The following LIG4 variants were observed in gnomAD, a reference collection of about 807,000 sequenced individuals.
LIG4 encodes DNA ligase 4.
In LIG4, 13 loss-of-function variants were observed where a neutral mutation model predicts 19.0. That is an observed-to-expected ratio of 0.68 (90% CI 0.44 to 1.09). LIG4 has a LOEUF of 1.09. Among genes scored for constraint, LIG4 ranks in the 50% least tolerant of loss-of-function variants. The pLI is 0.00. For missense variants in LIG4, 1,026 were observed against 1,089.7 expected, an observed-to-expected ratio of 0.94 and a Z score of 0.82; for synonymous variants, 361 against 358.2, an observed-to-expected ratio of 1.01 and a Z score of -0.09.
rs1365371689 is a variant in LIG4 at position 108,208,265 on chromosome 13, T to C, written c.*268A>G. ...ATTCTAGATTTCTATATGGATATTA[T>C]AAAAACACCTCTTCTTTAGACTGTT... On this transcript the variant is annotated 3_prime_UTR_variant, in exon 3 of 3. Transcript: ENST00000442234. 6.7e-6 allele frequency: 2 copies of C among 298,266 alleles called. No homozygotes were observed. Among genetic ancestry groups the C allele is most frequent in the East Asian group, 7.7e-5 (1 of 12,976 alleles). The allele number at this position is 298,266 out of a possible 1,614,324, so 18.5% of individuals were successfully genotyped here.
At chr13:108,216,196 A>G (rs1270307280), upstream of LIG4, among the ~76,000 whole-genome samples, 1 of 152,214 alleles carries the variant, frequency 6.6e-6, no homozygotes, top group Non-Finnish European at 1.5e-5. Flanking sequence ...GGTGCTAGAT[A>G]TTCAGGGTGG....
In LIG4 at chr13:108,209,371, T is replaced by C; in HGVS notation, c.1898A>G (p.Lys633Arg). 6.2e-7 allele frequency: 1 copy of C among 1,614,190 alleles called. No homozygotes were observed. Among genetic ancestry groups the C allele is most frequent in the South Asian group, 1.1e-5 (1 of 91,084 alleles). ...AATAATTCCAATAACTTTCTTCATCTTTGGGGCAGCTTTCCGCTTTTTTTC... is the reference window on the plus strand; with the variant it reads ...AATAATTCCAATAACTTTCTTCATCCTTGGGGCAGCTTTCCGCTTTTTTTC... ...PQEKKRKAAP[K>R]MKKVIGIIEH... Residue 633 changes from lysine (K) to arginine (R), a missense_variant, in exon 3 of 3, where the codon AAG becomes AGG. Coordinates refer to ENST00000442234, the MANE Select transcript of LIG4 (RefSeq NM_206937.2).
chr13:108,211,074 A>G lies in LIG4; in HGVS notation c.195T>C (p.Tyr65=). 2 of 1,605,928 alleles carry G rather than the reference A, an allele frequency of 1.2e-6. No individual in the cohort carries two copies. The highest frequency in any genetic ancestry group is 3.4e-5 in the Admixed American group (2 of 59,044). The change falls in exon 3 of 3, where the codon TAT becomes TAC. Residue 65 remains tyrosine (Y), a synonymous_variant. Coordinates refer to ENST00000442234, the MANE Select transcript of LIG4 (RefSeq NM_206937.2). ...GAGGAAGAATTAGTCTCATTGCTGG[A>G]TAAAAAGAGTCTGTGACATCTTTGT... is the stretch of plus-strand genomic sequence containing the variant. ...KNHKDVTDSF[Y]PAMRLILPQL... is the part of the protein sequence containing the mutation.
chr13:108,217,161 T>A (rs866945168), upstream of LIG4, among the ~76,000 whole-genome samples: 18 of 152,026 alleles, frequency 1.2e-4, no homozygotes, highest in Middle Eastern at 0.01. Flanking sequence ...AGCGGATCAC[T>A]TGAGGTCAGG....
At position 108,208,528 on chromosome 13, in the gene LIG4, T is replaced by C; in HGVS notation, c.*5A>G. 1 of 1,590,806 alleles carries C rather than the reference T, an allele frequency of 6.3e-7. No homozygotes were observed. Among genetic ancestry groups the C allele is most frequent in the Non-Finnish European group, 8.6e-7 (1 of 1,159,726 alleles). ...CAGAGGCTTTCCTCACTAGGAAACC[T>C]AGCTTTAAATCAAATACTGGTTTTC... On this transcript the variant is annotated 3_prime_UTR_variant, in exon 3 of 3. Coordinates refer to ENST00000442234, the MANE Select transcript of LIG4 (RefSeq NM_206937.2).
At position 108,209,279 on chromosome 13, in the gene LIG4, A is replaced by C; in HGVS notation, c.1990T>G (p.Phe664Val). The C allele has an allele frequency of 6.2e-7, 1 of 1,613,916 alleles. No homozygotes were observed. Among genetic ancestry groups the C allele is most frequent in the Non-Finnish European group, 8.5e-7 (1 of 1,179,950 alleles). Residue 664 changes from phenylalanine to valine, a missense_variant, in exon 3 of 3, where the codon TTT (phenylalanine) becomes GTT (valine). Phe to Val is a conservative substitution (Grantham distance 50). This residue lies in a region of LIG4 where 521 missense variants were observed against 515.5 expected (regional missense o/e 1.01). Transcript: ENST00000442234. ...KISNIFEDVE[F>V]CVMSGTDSQP... ...CTATCTGTTCCACTCATAACACAAA[A>C]CTCTACATCTTCAAATATATTAGAA...
At chr13:108,217,042 C>T (rs1879335458), upstream of LIG4, among the ~76,000 whole-genome samples, 1 of 152,178 alleles carries the variant, frequency 6.6e-6, no homozygotes, top group East Asian at 1.9e-4. Context: ...CCAGCTTTGA[C>T]CTGGAGCTCT....
At chr13:108,211,759 C>T (rs970536868) in intron 2 of LIG4, among the ~76,000 whole-genome samples, 3 of 152,128 alleles carry the variant, frequency 2.0e-5, no homozygotes, top group Admixed American at 6.5e-5. Context: ...ACTTGATCTT[C>T]GAACAGATAT....
In LIG4 at chr13:108,210,757, A is replaced by C; in HGVS notation, c.512T>G (p.Leu171Arg). The change falls in exon 3 of 3, where the codon CTT becomes CGT. Residue 171 changes from leucine to arginine, a missense_variant. By Grantham distance (102) the Leu-to-Arg change is moderately radical (BLOSUM62 -2). Coordinates refer to ENST00000442234, the MANE Select transcript of LIG4 (RefSeq NM_206937.2). ...AKRKDLIKKS[L>R]LQLITQSSAL... ...TGAACTCTGAGTTATAAGTTGAAGA[A>C]GGCTCTTTTTTATTAGGTCTTTTCT... 6.2e-7 allele frequency: 1 copy of C among 1,614,056 alleles called. No individual in the cohort carries two copies. Among genetic ancestry groups the C allele is most frequent in the Non-Finnish European group, 8.5e-7 (1 of 1,179,960 alleles).
At chr13:108,214,015 T>C (rs1878942717) in intron 2 of LIG4, among the ~76,000 whole-genome samples, 1 of 152,176 alleles carries the variant, frequency 6.6e-6, no homozygotes, top group Non-Finnish European at 1.5e-5. Context: ...TTCAGGAGAA[T>C]GAATGCAAGC....
Position 108,210,564 on chromosome 13 carries a change from G to A in LIG4, c.705C>T (p.Leu235=). The change falls in exon 3 of 3, where the codon CTC becomes CTT. Residue 235 remains leucine (L), a synonymous_variant. Transcript: ENST00000442234. ...AAAATAAAGTGATAGAAATATCACT[G>A]AGTCCTACAGAAGGATCATGCAGTT... ...CRQLHDPSVG[L]SDISITLFSA... 6.2e-7 allele frequency: 1 copy of A among 1,612,232 alleles called. No homozygotes were observed. The highest frequency in any genetic ancestry group is 8.5e-7 in the Non-Finnish European group (1 of 1,179,324).
In LIG4 at chr13:108,208,609, T is replaced by G; in HGVS notation, c.2660A>C (p.Lys887Thr). ...AGTTACCCAACTTTCTTTTAGGATT[T>G]TAAACTTTCTCTTAAAAGTTCTTCT... ...AFRRTFKRKF[K>T]ILKESWVTDS... is the part of the protein sequence containing the mutation. Residue 887 changes from lysine (K) to threonine (T), a missense_variant, in exon 3 of 3, where the codon AAA (lysine) becomes ACA (threonine). Physicochemically the swap from Lys to Thr is moderately conservative, Grantham distance 78. Coordinates refer to ENST00000442234, the MANE Select transcript of LIG4 (RefSeq NM_206937.2). 1.2e-6 allele frequency: 2 copies of G among 1,613,396 alleles called. No homozygotes were observed. Among genetic ancestry groups the G allele is most frequent in the Non-Finnish European group, 1.7e-6 (2 of 1,179,548 alleles).
In LIG4 at chr13:108,209,566, T is replaced by C. The variant is rs202041497; in HGVS notation, c.1703A>G (p.Asp568Gly). ...CAAGGTGCAGCCAGTTTTATACATA[T>C]CACTGGGTACGATCTCTGCTGCTTT... ...QIKAAEIVPS[D>G]MYKTGCTLRF... is the part of the protein sequence containing the mutation. Residue 568 changes from aspartate (D) to glycine (G), a missense_variant, in exon 3 of 3, where the codon GAT (aspartate) becomes GGT (glycine). Asp to Gly is a moderately conservative substitution (Grantham distance 94). Around this residue, in one of 3 missense-constraint regions of LIG4, gnomAD observed 521 missense variants for 515.5 expected, o/e 1.01. Coordinates refer to ENST00000442234, the MANE Select transcript of LIG4 (RefSeq NM_206937.2). 146 of 1,614,174 alleles carry C rather than the reference T, an allele frequency of 9.0e-5. No individual in the cohort carries two copies. The highest frequency in any genetic ancestry group is 1.2e-4 in the Non-Finnish European group (138 of 1,180,028).
At chr13:108,212,607 A>G (rs1878784231) in intron 2 of LIG4, among the ~76,000 whole-genome samples, 1 of 152,002 alleles carries the variant, frequency 6.6e-6, no homozygotes, top group African/African-American at 2.4e-5. Flanking sequence ...GTGGAGTTGG[A>G]GAAGTTTTGC....
Position 108,208,744 on chromosome 13 carries a change from G to T in LIG4, c.2525C>A (p.Ala842Asp), listed in dbSNP as rs72660870. The T allele has an allele frequency of 2.0e-3, 3,249 of 1,614,106 alleles. 7 individuals carry two copies. Among genetic ancestry groups the T allele is most frequent in the Non-Finnish European group, 2.6e-3 (3,062 of 1,180,004 alleles). ...KNEGTRLAIK[A>D]LELRFHGAKV... ...TGCTCCATGAAACCGAAGCTCCAAG[G>T]CTTTAATAGCTAACCTTGTCCCCTC... Residue 842 changes from alanine to aspartate, a missense_variant, in exon 3 of 3, where the codon GCC becomes GAC. Transcript: ENST00000442234.
rs756549415 is a variant in LIG4, at chr13:108,210,162, T to C, written c.1107A>G (p.Val369=). The C allele has an allele frequency of 1.2e-5, 20 of 1,613,690 alleles. No individual in the cohort carries two copies. Among genetic ancestry groups the C allele is most frequent in the Non-Finnish European group, 1.7e-5 (20 of 1,179,962 alleles). The change falls in exon 3 of 3, where the codon GTA becomes GTG. Residue 369 remains valine (V), a synonymous_variant. Coordinates refer to ENST00000442234, the MANE Select transcript of LIG4 (RefSeq NM_206937.2). ...DLQTCYCVFD[V]LMVNNKKLGH... ...CTAGCTTTTTATTATTAACCATCAA[T>C]ACATCAAAAACACAATAACAAGTTT... is the stretch of plus-strand genomic sequence containing the variant.
rs1388798970 is a variant in LIG4 at position 108,210,580 on chromosome 13, T to C, written c.689A>G (p.Asp230Gly). 6.2e-7 allele frequency: 1 copy of C among 1,613,238 alleles called. No homozygotes were observed. Among genetic ancestry groups the C allele is most frequent in the Middle Eastern group, 1.7e-4 (1 of 6,030 alleles). ...DLEKVCRQLHDPSVGLSDISI... is the reference protein window; with the variant it reads ...DLEKVCRQLHGPSVGLSDISI... ...AATATCACTGAGTCCTACAGAAGGA[T>C]CATGCAGTTGCCTACAGACTTTTTC... is the stretch of plus-strand genomic sequence containing the variant. Residue 230 changes from aspartate (D) to glycine (G), a missense_variant, in exon 3 of 3, where the codon GAT (aspartate) becomes GGT (glycine). This residue lies in a region of LIG4 where 493 missense variants were observed against 544.5 expected (regional missense o/e 0.91). Transcript: ENST00000442234.
At position 108,209,330 on chromosome 13, in the gene LIG4, G is replaced by C. The variant is rs1035346047; in HGVS notation, c.1939C>G (p.Pro647Ala). 1.2e-6 allele frequency: 2 copies of C among 1,613,982 alleles called. No individual in the cohort carries two copies. Among genetic ancestry groups the C allele is most frequent in the South Asian group, 1.1e-5 (1 of 91,072 alleles). The change falls in exon 3 of 3, where the codon CCT becomes GCT. Residue 647 changes from proline (P) to alanine (A), a missense_variant. This residue lies in a region of LIG4 where 521 missense variants were observed against 515.5 expected (regional missense o/e 1.01). Coordinates refer to ENST00000442234, the MANE Select transcript of LIG4 (RefSeq NM_206937.2). ...VIGIIEHLKA[P>A]NLTNVNKISN... The stretch of plus-strand genomic sequence containing the variant: ...ATTTTGTTAACGTTAGTAAGGTTAG[G>C]TGCTTTTAAGTGCTCAATAATTCCA...
At position 108,208,286 on chromosome 13, in the gene LIG4, CTG is replaced by C. The variant is rs1196836410; in HGVS notation, c.*245_*246del. 1 of 390,016 alleles carries C rather than the reference CTG, an allele frequency of 2.6e-6. No homozygotes were observed. The highest frequency in any genetic ancestry group is 4.6e-6 in the Non-Finnish European group (1 of 215,626). 24.2% of individuals were successfully genotyped at this position (390,016 alleles called of 1,614,324 possible). A position where few individuals can be genotyped will look rare whatever the true frequency, so the allele number is the denominator to read the frequency against. Reference sequence around the variant, plus strand: ...ATTATAAAAACACCTCTTCTTTAGACTGTTTATTTCACCTTGATCATAAAAAA... The same window carrying C: ...ATTATAAAAACACCTCTTCTTTAGACTTTATTTCACCTTGATCATAAAAAA... On this transcript the variant is annotated 3_prime_UTR_variant, in exon 3 of 3. Transcript: ENST00000442234.
Sources: allele counts gnomAD v4.1 joint callset (sites outside exome capture counted in the v4.1 genomes callset), GRCh38; gene constraint gnomAD v4.1.1; regional missense constraint gnomAD v4.1.1; transcripts MANE v1.5; gene names NCBI Gene and HGNC (gene_info 2026-07-23, HGNC 2026-07-21).